ICAM5: variants seen among roughly 807,000 people sequenced by gnomAD.
The protein encoded by ICAM5 is intercellular adhesion molecule 5, also known as ICAM-5.
ICAM5 carries 38 observed loss-of-function variants against 78.8 expected under a neutral mutation model. The observed-to-expected ratio is 0.48, with a 90% confidence interval of 0.37 to 0.63. ICAM5 has a LOEUF of 0.63. Ranked by LOEUF, ICAM5 falls within the 30% of genes least tolerant of loss-of-function variation. The pLI, the probability that ICAM5 is intolerant of heterozygous loss-of-function variation, is 0.00. For missense variants in ICAM5, 1,059 were observed against 1,303.0 expected (o/e 0.81, Z 2.88); for synonymous variants, 544 against 590.9 (o/e 0.92, Z 1.15).
Position 10,290,235 on chromosome 19 carries a change from C to A in ICAM5, c.82+110C>A. On this transcript the variant is annotated intron_variant, in intron 1 of 10. Transcript: ENST00000221980. The surrounding 1 kb of genome is among the most constrained non-coding windows in gnomAD (Gnocchi z 5.7). ...CTGCCCTCGCCTCGCTCCCACGCCTCTGCCCCCACCTCGAGCCTGAGTCTT... is the reference window on the plus strand; with the variant it reads ...CTGCCCTCGCCTCGCTCCCACGCCTATGCCCCCACCTCGAGCCTGAGTCTT... 1 of 755,768 alleles carries A rather than the reference C, an allele frequency of 1.3e-6. No homozygotes were observed. Among genetic ancestry groups the A allele is most frequent in the Non-Finnish European group, 2.0e-6 (1 of 495,588 alleles). The allele number at this position is 755,768 out of a possible 1,614,324, so 46.8% of individuals were successfully genotyped here.
rs972018827 is a variant in ICAM5, at chr19:10,290,179, C to T, written c.82+54C>T. The T allele has an allele frequency of 2.3e-6, 3 of 1,332,382 alleles. No individual in the cohort carries two copies. The highest frequency in any genetic ancestry group is 3.0e-6 in the Non-Finnish European group (3 of 995,706). 82.5% of individuals were successfully genotyped at this position (1,332,382 alleles called of 1,614,324 possible). ...ACAGGGCGGGGGCGGAGTCCCTGGA[C>T]CTGAGAAACGGCCTCCTGTCCCTCC... is the stretch of plus-strand genomic sequence containing the variant. On this transcript the variant is annotated intron_variant, in intron 1 of 10. Transcript: ENST00000221980. The surrounding 1 kb of genome is among the most constrained non-coding windows in gnomAD (Gnocchi z 5.7).
intron 4 of ICAM5, 86 bp downstream of exon 4, chr19:10,292,408 A>G: frequency 6.9e-7 from 1 of 1,451,960 alleles, no homozygotes; most frequent in Admixed American, 2.1e-5. Context: ...GGACCTCAGT[A>G]CCGGAACAGG....
chr19:10,292,402 C>T, intron 4 of ICAM5, 80 bp downstream of exon 4: 1 of 1,471,650 alleles, frequency 6.8e-7, no homozygotes, highest in Non-Finnish European at 9.1e-7. Flanking sequence ...TGGGCGGGAC[C>T]TCAGTACCGG....
rs759590640 is a variant in ICAM5, at chr19:10,293,261, G to A, written c.1465+15G>A. On this transcript the variant is annotated intron_variant, in intron 6 of 10. Coordinates refer to ENST00000221980, the MANE Select transcript of ICAM5 (RefSeq NM_003259.4). The surrounding 1 kb of genome is among the most constrained non-coding windows in gnomAD (Gnocchi z 5.0). ...AACGGTGGAGTGTGAGTGGGGGTGCGCAGGGTGCATTTCTATCTGGTTCAA... is the reference window on the plus strand; with the variant it reads ...AACGGTGGAGTGTGAGTGGGGGTGCACAGGGTGCATTTCTATCTGGTTCAA... The A allele has an allele frequency of 1.3e-6, 2 of 1,563,900 alleles. No individual in the cohort carries two copies. The highest frequency in any genetic ancestry group is 1.7e-6 in the Non-Finnish European group (2 of 1,153,560).
chr19:10,292,970 C>A, intron 5 of ICAM5, 28 bp from the exon 6 acceptor site: 1 of 1,610,546 alleles, frequency 6.2e-7, no homozygotes, highest in Non-Finnish European at 8.5e-7. Context: ...TACGTCTAAG[C>A]CTCTGTAACC....
chr19:10,292,356 G>A, intron 4 of ICAM5, 34 bp downstream of exon 4: 1 of 1,549,926 alleles, frequency 6.5e-7, no homozygotes, highest in Non-Finnish European at 8.7e-7. Context: ...GCGGCTCCGA[G>A]GTGGGACCAG....
chr19:10,292,619 G>C lies in ICAM5; in HGVS notation c.969G>C (p.Pro323=), dbSNP rs770214808. The change falls in exon 5 of 11, where the codon CCG becomes CCC. Residue 323 remains proline (P), a synonymous_variant. Coordinates refer to ENST00000221980, the MANE Select transcript of ICAM5 (RefSeq NM_003259.4). ...TRENVTIYSF[P]APLLTLSEPS... ...CAAATGCTCCGCCCCCAGGCTTCCC[G>C]GCACCACTCCTGACCCTGAGCGAAC... The C allele has an allele frequency of 1.3e-6, 2 of 1,562,836 alleles. No homozygotes were observed. Among genetic ancestry groups the C allele is most frequent in the South Asian group, 2.3e-5 (2 of 85,180 alleles).
At position 10,295,362 on chromosome 19, in the gene ICAM5, C is replaced by T. The variant is rs746709347; in HGVS notation, c.2247C>T (p.Ala749=). The part of the protein sequence containing the change: ...TVGVEYRPVV[A]ELAASPPGGV... ...GCCCTTCAGACCGGCCAGTGGTGGC[C>T]GAACTTGCTGCCTCGCCCCCTGGAG... Residue 749 remains alanine (A), a synonymous_variant, in exon 10 of 11, where the codon GCC becomes GCT. Transcript: ENST00000221980. 9.6e-6 allele frequency: 15 copies of T among 1,566,772 alleles called. No homozygotes were observed. Among genetic ancestry groups the T allele is most frequent in the Admixed American group, 1.9e-5 (1 of 53,780 alleles).
chr19:10,293,041 G>T lies in ICAM5; in HGVS notation c.1260G>T (p.Thr420=). 1.2e-6 allele frequency: 2 copies of T among 1,610,708 alleles called. No individual in the cohort carries two copies. Among genetic ancestry groups the T allele is most frequent in the African/African-American group, 1.3e-5 (1 of 75,040 alleles). Reference sequence around the variant, plus strand: ...ATTCGGACTGCCCCAGGAGTTGGACGTGGCCCGAGGGCCCAGAGCAGACGC... The same window carrying T: ...ATTCGGACTGCCCCAGGAGTTGGACTTGGCCCGAGGGCCCAGAGCAGACGC... ...LDDSDCPRSW[T]WPEGPEQTLR... Residue 420 remains threonine (T), a synonymous_variant, in exon 6 of 11, where the codon ACG becomes ACT. Coordinates refer to ENST00000221980, the MANE Select transcript of ICAM5 (RefSeq NM_003259.4). This position sits in a 1 kb window ranked among gnomAD's most constrained non-coding sequence, Gnocchi z 5.0.
chr19:10,290,928 G>T lies in ICAM5; in HGVS notation c.83-144G>T. ...GTGCGCCTTTAAACCGGAGGCCTGG[G>T]CAGGACGCGGGACGCCTGGGTTCTT... On this transcript the variant is annotated intron_variant, in intron 1 of 10. Coordinates refer to ENST00000221980, the MANE Select transcript of ICAM5 (RefSeq NM_003259.4). The surrounding 1 kb of genome is among the most constrained non-coding windows in gnomAD (Gnocchi z 5.7). The T allele has an allele frequency of 1.9e-6, 2 of 1,080,126 alleles. No individual in the cohort carries two copies. The highest frequency in any genetic ancestry group is 2.6e-6 in the Non-Finnish European group (2 of 768,278). The allele number at this position is 1,080,126 out of a possible 1,614,324, so 66.9% of individuals were successfully genotyped here.
In ICAM5 at chr19:10,293,971, A is replaced by G; in HGVS notation, c.1711+28A>G. On this transcript the variant is annotated intron_variant, in intron 7 of 10. Coordinates refer to ENST00000221980, the MANE Select transcript of ICAM5 (RefSeq NM_003259.4). The surrounding 1 kb of genome is among the most constrained non-coding windows in gnomAD (Gnocchi z 5.0). ...GAGTAGGGGCACCGCGGAGTTAGGCAGGATCTGTGGGACAACCCCGGCTGG... is the reference window on the plus strand; with the variant it reads ...GAGTAGGGGCACCGCGGAGTTAGGCGGGATCTGTGGGACAACCCCGGCTGG... The G allele has an allele frequency of 1.2e-6, 2 of 1,606,044 alleles. No individual in the cohort carries two copies. The highest frequency in any genetic ancestry group is 1.7e-6 in the Non-Finnish European group (2 of 1,174,186).
chr19:10,294,647 G>A lies in ICAM5; in HGVS notation c.2230+7G>A. ...GTCACTGTGGGCGTGGAATGTGAGT[G>A]GGGGCAGCACCGGATGGAGGGGACA... On this transcript the variant is annotated splice_region_variant and intron_variant, in intron 9 of 10. Coordinates refer to ENST00000221980, the MANE Select transcript of ICAM5 (RefSeq NM_003259.4). This position sits in a 1 kb window ranked among gnomAD's most constrained non-coding sequence, Gnocchi z 7.7. 1.9e-6 allele frequency: 3 copies of A among 1,612,638 alleles called. No homozygotes were observed. Among genetic ancestry groups the A allele is most frequent in the Non-Finnish European group, 2.5e-6 (3 of 1,179,812 alleles).
rs775013785 is a variant in ICAM5 at position 10,294,056 on chromosome 19, G to T, written c.1728G>T (p.Glu576Asp). The part of the protein sequence containing the change: ...AVTVEYGPRF[E>D]EPSCPSNWTW... ...GTTTCCCAGATGGCCCCAGGTTTGAGGAGCCGAGCTGCCCCAGCAATTGGA... is the reference window on the plus strand; with the variant it reads ...GTTTCCCAGATGGCCCCAGGTTTGATGAGCCGAGCTGCCCCAGCAATTGGA... Residue 576 changes from glutamate (E) to aspartate (D), a missense_variant, in exon 8 of 11, where the codon GAG (glutamate) becomes GAT (aspartate). Coordinates refer to ENST00000221980, the MANE Select transcript of ICAM5 (RefSeq NM_003259.4). This position sits in a 1 kb window ranked among gnomAD's most constrained non-coding sequence, Gnocchi z 7.7. The T allele has an allele frequency of 1.5e-5, 24 of 1,580,682 alleles. No homozygotes were observed. In the South Asian group the frequency reaches 2.6e-4, roughly 17 times the overall value.
At chr19:10,291,380 C>T (rs1191469446) in intron 2 of ICAM5, 39 bp downstream of exon 2, 15 of 1,606,430 alleles carry the variant, frequency 9.3e-6, no homozygotes, top group Non-Finnish European at 1.2e-5. Flanking sequence ...CCACTACTCT[C>T]CCTCCCTCCC....
In ICAM5 at chr19:10,293,729, A is replaced by G; in HGVS notation, c.1497A>G (p.Pro499=). 1 of 1,613,948 alleles carries G rather than the reference A, an allele frequency of 6.2e-7. No homozygotes were observed. Among genetic ancestry groups the G allele is most frequent in the African/African-American group, 1.3e-5 (1 of 75,062 alleles). The change falls in exon 7 of 11, where the codon CCA becomes CCG. Residue 499 remains proline, a synonymous_variant. Transcript: ENST00000221980. This position sits in a 1 kb window ranked among gnomAD's most constrained non-coding sequence, Gnocchi z 5.0. ...CAGCGCTGGACAGCGTGGGCTGCCC[A>G]GAACGCATTACTTGGCTGGAGGGAA... ...YAPALDSVGC[P]ERITWLEGTE...
In ICAM5 at chr19:10,290,726, C is replaced by A; in HGVS notation, c.83-346C>A. On this transcript the variant is annotated intron_variant, in intron 1 of 10. Transcript: ENST00000221980. The surrounding 1 kb of genome is among the most constrained non-coding windows in gnomAD (Gnocchi z 5.7). ...GCCAGGACCCTGAGAACTGGTTCATCCCCCATCCCCCATCCCGGGTCCCCT... is the reference window on the plus strand; with the variant it reads ...GCCAGGACCCTGAGAACTGGTTCATACCCCATCCCCCATCCCGGGTCCCCT... 1 of 392,440 alleles carries A rather than the reference C, an allele frequency of 2.5e-6. No homozygotes were observed. Among genetic ancestry groups the A allele is most frequent in the Non-Finnish European group, 4.6e-6 (1 of 217,056 alleles). 24.3% of individuals were successfully genotyped at this position (392,440 alleles called of 1,614,324 possible).
At position 10,293,366 on chromosome 19, in the gene ICAM5, G is replaced by A. The variant is rs2040192407; in HGVS notation, c.1465+120G>A. On this transcript the variant is annotated intron_variant, in intron 6 of 10. Transcript: ENST00000221980. The surrounding 1 kb of genome is among the most constrained non-coding windows in gnomAD (Gnocchi z 5.0). ...CCTTTGGGTGAGGTTTTGGGAAAGGGAAGAGGCTGGTTAGTGGGGTTGGAG... is the reference window on the plus strand; with the variant it reads ...CCTTTGGGTGAGGTTTTGGGAAAGGAAAGAGGCTGGTTAGTGGGGTTGGAG... The A allele has an allele frequency of 2.2e-6, 3 of 1,338,466 alleles. No individual in the cohort carries two copies. The highest frequency in any genetic ancestry group is 3.0e-6 in the Non-Finnish European group (3 of 985,588). The allele number at this position is 1,338,466 out of a possible 1,614,324, so 82.9% of individuals were successfully genotyped here.
At position 10,294,090 on chromosome 19, in the gene ICAM5, G is replaced by A; in HGVS notation, c.1762G>A (p.Glu588Lys). The A allele has an allele frequency of 2.5e-6, 4 of 1,593,370 alleles. No homozygotes were observed. Among genetic ancestry groups the A allele is most frequent in the Non-Finnish European group, 2.6e-6 (3 of 1,169,632 alleles). Reference sequence around the variant, plus strand: ...CTGCCCCAGCAATTGGACATGGGTGGAAGGATCTGGGCGCCTGTTTTCCTG... The same window carrying A: ...CTGCCCCAGCAATTGGACATGGGTGAAAGGATCTGGGCGCCTGTTTTCCTG... ...PSCPSNWTWVEGSGRLFSCEV... is the reference protein window; with the variant it reads ...PSCPSNWTWVKGSGRLFSCEV... Residue 588 changes from glutamate (E) to lysine (K), a missense_variant, in exon 8 of 11, where the codon GAA (glutamate) becomes AAA (lysine). Transcript: ENST00000221980. This position sits in a 1 kb window ranked among gnomAD's most constrained non-coding sequence, Gnocchi z 7.7.
In ICAM5 at chr19:10,291,424, T is replaced by C. The variant is rs562772013; in HGVS notation, c.353-65T>C. 154 of 1,606,120 alleles carry C rather than the reference T, an allele frequency of 9.6e-5. 1 individual carries two copies. Among genetic ancestry groups the C allele is most frequent in the Admixed American group, 4.4e-4 (26 of 59,236 alleles). ...CCCCCTGGGTCCCAGGGTCCTCCCC[T>C]TCAGGCCCCACCTTCTGTTCCAAGT... is the stretch of plus-strand genomic sequence containing the variant. On this transcript the variant is annotated intron_variant, in intron 2 of 10. Transcript: ENST00000221980.
Sources: allele counts gnomAD v4.1 joint callset, GRCh38; gene constraint gnomAD v4.1.1; non-coding constraint Gnocchi (gnomAD v3.1); transcripts MANE v1.5; gene names NCBI Gene and HGNC (gene_info 2026-07-23, HGNC 2026-07-21).